Variants in HPRT1 observed in about 807,000 individuals in gnomAD.
HPRT1 encodes hypoxanthine phosphoribosyltransferase 1, also known as hypoxanthine-guanine phosphoribosyltransferase.
HPRT1 carries 4 observed loss-of-function variants against 19.0 expected under a neutral mutation model. The observed-to-expected ratio is 0.21, with a 90% CI of 0.10 to 0.48. The LOEUF (loss-of-function observed/expected upper bound fraction) is 0.48. Among genes scored for constraint, HPRT1 ranks in the 20% least tolerant of loss-of-function variants. The pLI is 0.98. For missense variants in HPRT1, 65 were observed against 164.0 expected (o/e 0.40, Z 3.30); for synonymous variants, 53 against 54.9 (o/e 0.97, Z 0.15).
At chrX:134,495,849 C>T (rs919540028) in intron 6 of HPRT1, among the ~76,000 whole-genome samples, 5 of 112,293 alleles carry the variant, frequency 4.5e-5, no homozygotes, top group Admixed American at 9.5e-5. Flanking sequence ...ATGGACATTC[C>T]ATATAAATGG....
chrX:134,470,066 A>T (rs1183256971), intron 1 of HPRT1, among the ~76,000 whole-genome samples: 1 of 112,824 alleles, frequency 8.9e-6, no homozygotes, highest in Non-Finnish European at 1.9e-5. Context: ...TTAATCCTAG[A>T]GGATCTGGCA....
At chrX:134,491,881 G>A (rs1425357745) in intron 5 of HPRT1, among the ~76,000 whole-genome samples, 6 of 104,775 alleles carry the variant, frequency 5.7e-5, no homozygotes, top group East Asian at 3.0e-4. Flanking sequence ...ACAGGTGTGC[G>A]CCACCATGCC....
chrX:134,488,088 C>A lies in HPRT1; in HGVS notation c.384+1558C>A, dbSNP rs139934883. Reference sequence around the variant, plus strand: ...TAAGTATAACGAGTGAAAGTTATTTCTTGGTGGTAAGATTATGGGATTATT... The same window carrying A: ...TAAGTATAACGAGTGAAAGTTATTTATTGGTGGTAAGATTATGGGATTATT... On this transcript the variant is annotated intron_variant, in intron 4 of 8. Transcript: ENST00000298556. Among the ~76,000 whole-genome samples, 753 of 110,796 alleles carry A rather than the reference C, an allele frequency of 6.8e-3. 5 individuals carry two copies. The highest frequency in any genetic ancestry group is 7.9e-3 in the Non-Finnish European group (418 of 52,889).
intron 5 of HPRT1, among the ~76,000 whole-genome samples, chrX:134,491,320 T>C (rs1397022536): frequency 9.0e-6 from 1 of 110,859 alleles, no homozygotes; most frequent in Non-Finnish European, 1.9e-5. Flanking sequence ...TTTTCAAGGT[T>C]CATTCATGTT....
At position 134,473,417 on chromosome X, in the gene HPRT1, C is replaced by A; in HGVS notation, c.86C>A (p.Ala29Asp). The A allele has an allele frequency of 8.4e-7, 1 of 1,191,031 alleles. No homozygotes were observed. The highest frequency in any genetic ancestry group is 1.1e-6 in the Non-Finnish European group (1 of 876,790). Residue 29 changes from alanine to aspartate, a missense_variant, in exon 2 of 9, where the codon GCT becomes GAT. Transcript: ENST00000298556. Reference sequence around the variant, plus strand: ...TTATTTTGCATACCTAATCATTATGCTGAGGATTTGGAAAGGGTGTTTATT... The same window carrying A: ...TTATTTTGCATACCTAATCATTATGATGAGGATTTGGAAAGGGTGTTTATT... ...LDLFCIPNHY[A>D]EDLERVFIPH...
At chrX:134,494,056 GTT>G (rs1384331984) in intron 6 of HPRT1, among the ~76,000 whole-genome samples, 1 of 111,732 alleles carries the variant, frequency 8.9e-6, no homozygotes, top group Non-Finnish European at 1.9e-5. Context: ...TACCTATGCT[GTT>G]TTACTTTTGC....
At chrX:134,495,923 G>A (rs1489518185) in intron 6 of HPRT1, among the ~76,000 whole-genome samples, 1 of 112,212 alleles carries the variant, frequency 8.9e-6, no homozygotes, top group Non-Finnish European at 1.9e-5. Context: ...CTAGGTTGGG[G>A]CATGTATCAG....
chrX:134,470,914 AG>A (rs67455105), intron 1 of HPRT1, among the ~76,000 whole-genome samples: 2,895 of 105,346 alleles, frequency 0.027, 63 homozygotes, highest in Non-Finnish European at 0.041. Context: ...AAAAAAAAAA[AG>A]AGAGAGAAAA....
At chrX:134,497,189 C>T (rs1464507219) in intron 6 of HPRT1, among the ~76,000 whole-genome samples, 4 of 111,554 alleles carry the variant, frequency 3.6e-5, no homozygotes, top group African/African-American at 9.8e-5. Flanking sequence ...GCAGCCAGGG[C>T]GAAGTGGTAC....
At chrX:134,478,786 T>C (rs2077632068) in intron 3 of HPRT1, among the ~76,000 whole-genome samples, 1 of 112,028 alleles carries the variant, frequency 8.9e-6, no homozygotes, top group South Asian at 3.6e-4. Context: ...TAGGATTTTA[T>C]TTACCTAGTG....
intron 4 of HPRT1, among the ~76,000 whole-genome samples, chrX:134,488,724 G>T (rs990902538): frequency 1.8e-5 from 2 of 110,996 alleles, no homozygotes; most frequent in African/African-American, 6.5e-5. Context: ...ACCATGCTGG[G>T]ATTCATTTGA....
chrX:134,476,373 T>C (rs2077625227), intron 3 of HPRT1, among the ~76,000 whole-genome samples: 1 of 112,428 alleles, frequency 8.9e-6, no homozygotes, highest in Non-Finnish European at 1.9e-5. Flanking sequence ...TAACACTACT[T>C]CCTACCCATA....
At chrX:134,467,154 G>A (rs774446711) in intron 1 of HPRT1, among the ~76,000 whole-genome samples, 2 of 104,030 alleles carry the variant, frequency 1.9e-5, no homozygotes, top group East Asian at 3.1e-4. Context: ...AGGTTCAAGC[G>A]ATTCTCCTGC....
At chrX:134,492,555 C>T (rs966412619) in intron 5 of HPRT1, 1 of 329,356 alleles carries the variant, frequency 3.0e-6, no homozygotes, top group South Asian at 2.6e-5. Flanking sequence ...ACTGAGGGCC[C>T]GTTTTCTCAC....
intron 1 of HPRT1, among the ~76,000 whole-genome samples, chrX:134,468,926 A>T (rs866999556): frequency 9.2e-6 from 1 of 109,071 alleles, no homozygotes; most frequent in African/African-American, 3.4e-5. Flanking sequence ...GTAAAAAATT[A>T]TTTTTTTTCT....
rs770400735 is a variant in HPRT1 at position 134,486,605 on chromosome X, C to T, written c.384+75C>T. On this transcript the variant is annotated intron_variant, in intron 4 of 8. Coordinates refer to ENST00000298556, the MANE Select transcript of HPRT1 (RefSeq NM_000194.3). ...TAGTAACAGTGTGCTTTCAATCAAT[C>T]ACTAAGAGATAATTTACATAGTATA... The T allele has an allele frequency of 3.0e-4, 185 of 607,870 alleles. 1 individual carries two copies. The South Asian group carries it at 3.2e-3, about 10-fold the overall frequency. 50.1% of individuals were successfully genotyped at this position (607,870 alleles called of 1,213,427 possible).
chrX:134,482,106 G>T (rs1172542948), intron 3 of HPRT1, among the ~76,000 whole-genome samples: 1 of 111,809 alleles, frequency 8.9e-6, no homozygotes, highest in East Asian at 2.8e-4. Context: ...CCAGGCTGGA[G>T]TGTAGTGGTG....
At chrX:134,465,606 A>G (rs2077594913) in intron 1 of HPRT1, among the ~76,000 whole-genome samples, 2 of 112,774 alleles carry the variant, frequency 1.8e-5, no homozygotes, top group Admixed American at 1.9e-4. Flanking sequence ...ATACTCTTTC[A>G]GATTAATAAA....
At chrX:134,481,085 A>T (rs1292077021) in intron 3 of HPRT1, among the ~76,000 whole-genome samples, 3 of 110,201 alleles carry the variant, frequency 2.7e-5, no homozygotes, top group African/African-American at 9.9e-5. Flanking sequence ...CCCTCAACTC[A>T]CATAGTTACC....
Sources: gnomAD v4.1 joint callset for allele counts (sites outside exome capture counted in the v4.1 genomes callset) on GRCh38, gnomAD v4.1.1 for gene constraint, MANE v1.5 for transcripts, NCBI Gene and HGNC (gene_info 2026-07-23, HGNC 2026-07-21) for gene names.